Variants in TMEM143 observed in about 807,000 individuals in gnomAD.
TMEM143 encodes transmembrane protein 143.
Under a neutral mutation model 40.3 loss-of-function variants are expected in TMEM143, and 45 were observed. That is an observed-to-expected ratio of 1.12 (90% CI 0.88 to 1.43). The LOEUF (loss-of-function observed/expected upper bound fraction) is 1.43, where lower values mean the gene tolerates loss of function less well. TMEM143 is among the 40% of genes most tolerant of loss of function. TMEM143 has a pLI of 0.00. For missense variants in TMEM143, 620 were observed against 613.4 expected (o/e 1.01, Z -0.11); for synonymous variants, 299 against 282.7 (o/e 1.06, Z -0.58).
At chr19:48,343,498 G>A in intron 4 of TMEM143, 47 bp from the exon 5 acceptor site, 1 of 1,539,850 alleles carries the variant, frequency 6.5e-7, no homozygotes, top group Non-Finnish European at 8.8e-7. Context: ...ATGGGCAGGA[G>A]TGTTGAGGGC....
chr19:48,348,126 G>A (rs969635879), intron 3 of TMEM143, among the ~76,000 whole-genome samples: 8 of 151,952 alleles, frequency 5.3e-5, no homozygotes, highest in South Asian at 4.1e-4. Context: ...TAGGCTGGTC[G>A]AGCAGTTCTG....
chr19:48,345,290 T>C lies in TMEM143; in HGVS notation c.434A>G (p.Gln145Arg), dbSNP rs1449816971. 6.2e-7 allele frequency: 1 copy of C among 1,608,532 alleles called. No homozygotes were observed. The highest frequency in any genetic ancestry group is 2.2e-5 in the East Asian group (1 of 44,732). Residue 145 changes from glutamine to arginine, a missense_variant, in exon 4 of 8, where the codon CAG (glutamine) becomes CGG (arginine). By Grantham distance (43) the Gln-to-Arg change is conservative (BLOSUM62 1). Transcript: ENST00000293261. ...CACCTCCTGCTCATTAGACAGACGC[T>C]GGGGATCCGTTAGTGATGGCTGATC... ...TLDQPSLTDP[Q>R]RLSNEQEVLR...
chr19:48,335,999 C>T (rs1353555299), intron 6 of TMEM143, among the ~76,000 whole-genome samples: 5 of 152,148 alleles, frequency 3.3e-5, no homozygotes, highest in Admixed American at 6.5e-5. Flanking sequence ...ACTTCCCCAC[C>T]GTTAGTCTCT....
At chr19:48,343,547 C>G in intron 4 of TMEM143, 96 bp from the exon 5 acceptor site, 1 of 1,447,720 alleles carries the variant, frequency 6.9e-7, no homozygotes, top group African/African-American at 1.4e-5. Flanking sequence ...TAAATAATTC[C>G]CCCGTTTCCC....
In TMEM143 at chr19:48,333,063, G is replaced by A. The variant is rs993921922; in HGVS notation, c.*156C>T. On this transcript the variant is annotated 3_prime_UTR_variant, in exon 8 of 8. Coordinates refer to ENST00000293261, the MANE Select transcript of TMEM143 (RefSeq NM_018273.4). The surrounding 1 kb of genome is among the most constrained non-coding windows in gnomAD (Gnocchi z 4.1). ...TTAACAACTGCTAGCTGCTTTGATT[G>A]GCTGCTTTGCTTAAGCACACAGTGC... is the stretch of plus-strand genomic sequence containing the variant. The A allele has an allele frequency of 1.2e-5, 6 of 512,194 alleles. No individual in the cohort carries two copies. The highest frequency in any genetic ancestry group is 1.3e-5 in the Non-Finnish European group (4 of 314,130). 31.7% of individuals were successfully genotyped at this position (512,194 alleles called of 1,614,324 possible).
At chr19:48,334,440 TTCTTTCTTTC>T (rs1969305760) in intron 6 of TMEM143, among the ~76,000 whole-genome samples, 1 of 42,870 alleles carries the variant, frequency 2.3e-5, no homozygotes, top group African/African-American at 1.0e-4. Context: ...CTTTCTTTCT[TTCTTTCTTTC>T]TTTCTTTCTT....
intron 6 of TMEM143, among the ~76,000 whole-genome samples, chr19:48,336,651 G>A (rs950617584): frequency 3.9e-5 from 6 of 152,072 alleles, no homozygotes; most frequent in Non-Finnish European, 5.9e-5. Context: ...GCAGTGAGCC[G>A]AGATCGTGCC....
chr19:48,342,935 A>G, intron 5 of TMEM143, 126 bp from the exon 6 acceptor site: 1 of 1,186,446 alleles, frequency 8.4e-7, no homozygotes. Context: ...CTCAGTAATC[A>G]TGGGGAAGAA....
rs986333946 is a variant in TMEM143, at chr19:48,333,690, G to A, written c.1166-257C>T. On this transcript the variant is annotated intron_variant, in intron 7 of 7. Transcript: ENST00000293261. This position sits in a 1 kb window ranked among gnomAD's most constrained non-coding sequence, Gnocchi z 4.1. ...GAAGGTGGGGGCTCCTGTAGGCAAGGGGACCACCTGGAGCCCACACAGGGA... is the reference window on the plus strand; with the variant it reads ...GAAGGTGGGGGCTCCTGTAGGCAAGAGGACCACCTGGAGCCCACACAGGGA... Among the ~76,000 whole-genome samples the A allele has an allele frequency of 2.6e-5, 4 of 152,274 alleles. No homozygotes were observed. Among genetic ancestry groups the A allele is most frequent in the East Asian group, 3.9e-4 (2 of 5,174 alleles).
In TMEM143 at chr19:48,341,481, T is replaced by C. The variant is rs147151210; in HGVS notation, c.975+1049A>G. On this transcript the variant is annotated intron_variant, in intron 6 of 7. Transcript: ENST00000293261. Reference sequence around the variant, plus strand: ...TGCATTTGTCAGCCAGCTCCCCCAGTGATAATGATACCCAGTCAGGATGGG... The same window carrying C: ...TGCATTTGTCAGCCAGCTCCCCCAGCGATAATGATACCCAGTCAGGATGGG... 2.0e-5 allele frequency among the ~76,000 whole-genome samples: 3 copies of C among 152,256 alleles called. No individual in the cohort carries two copies. The East Asian group carries it at 5.8e-4, about 29-fold the overall frequency.
At chr19:48,338,826 G>A (rs73047580) in intron 6 of TMEM143, among the ~76,000 whole-genome samples, 3,117 of 152,220 alleles carry the variant, frequency 0.02, 43 homozygotes, top group Non-Finnish European at 0.032. Flanking sequence ...AACCCACAGG[G>A]GCACCACCCC....
At chr19:48,355,422 G>A (rs942158385) in intron 3 of TMEM143, among the ~76,000 whole-genome samples, 7 of 152,146 alleles carry the variant, frequency 4.6e-5, no homozygotes, top group Non-Finnish European at 8.8e-5. Flanking sequence ...AGGCAGACGG[G>A]GGCTTGATCT....
At chr19:48,342,847 C>G in intron 5 of TMEM143, 38 bp from the exon 6 acceptor site, 2 of 1,557,486 alleles carry the variant, frequency 1.3e-6, no homozygotes, top group South Asian at 2.4e-5. Flanking sequence ...AGGATCGGGA[C>G]TGCACTGCCC....
intron 3 of TMEM143, among the ~76,000 whole-genome samples, chr19:48,358,765 G>T (rs1969967867): frequency 1.3e-5 from 2 of 152,248 alleles, no homozygotes; most frequent in South Asian, 4.1e-4. Flanking sequence ...GCCTCTGATA[G>T]TCTGTTCCCT....
chr19:48,343,106 G>C (rs533547237), intron 5 of TMEM143: 1 of 722,546 alleles, frequency 1.4e-6, no homozygotes. Flanking sequence ...GGAAAATGGG[G>C]AGAACTGTCC....
At chr19:48,352,258 A>AAAAAAAAAAAAAC (rs1969793936) in intron 3 of TMEM143, among the ~76,000 whole-genome samples, 3 of 148,026 alleles carry the variant, frequency 2.0e-5, no homozygotes, top group African/African-American at 7.5e-5. Flanking sequence ...AAAAAAAAAA[A>AAAAAAAAAAAAAC]AAAACACCAT....
At chr19:48,347,043 C>T (rs1410498733) in intron 3 of TMEM143, among the ~76,000 whole-genome samples, 1 of 152,134 alleles carries the variant, frequency 6.6e-6, no homozygotes, top group Non-Finnish European at 1.5e-5. Flanking sequence ...TGGCATCTAA[C>T]CTGCCTGCCT....
chr19:48,355,822 T>G (rs1187269120), intron 3 of TMEM143, among the ~76,000 whole-genome samples: 1 of 152,198 alleles, frequency 6.6e-6, no homozygotes, highest in African/African-American at 2.4e-5. Context: ...GGGGCCACAC[T>G]GGATGCTGTG....
intron 3 of TMEM143, among the ~76,000 whole-genome samples, chr19:48,354,408 G>A (rs1415975786): frequency 6.6e-6 from 1 of 151,374 alleles, no homozygotes; most frequent in Non-Finnish European, 1.5e-5. Context: ...GGGACTATAG[G>A]CACCCGCCAC....
Sources: gnomAD v4.1 joint callset for allele counts (sites outside exome capture counted in the v4.1 genomes callset) on GRCh38, gnomAD v4.1.1 for gene constraint, Gnocchi (gnomAD v3.1) non-coding constraint, MANE v1.5 for transcripts, NCBI Gene and HGNC (gene_info 2026-07-23, HGNC 2026-07-21) for gene names.